MTSS1: variants seen among roughly 807,000 people sequenced by gnomAD.
The protein encoded by MTSS1 is protein MTSS 1.
In MTSS1, 18 loss-of-function variants were observed where a neutral mutation model predicts 79.0. That is an observed-to-expected ratio of 0.23 (90% CI 0.16 to 0.34). The LOEUF (loss-of-function observed/expected upper bound fraction) is 0.34. MTSS1 is among the 10% of genes least tolerant of loss of function. The probability of loss-of-function intolerance (pLI) is 1.00; values close to 1 mark genes in which losing one functional copy is unlikely to be tolerated. For synonymous variants in MTSS1, 341 were observed against 368.6 expected (o/e 0.93, Z 0.86); for missense variants, 815 against 986.2 (o/e 0.83, Z 2.33).
chr8:124,690,994 A>G (rs7014298), intron 3 of MTSS1, among the ~76,000 whole-genome samples: 42,577 of 152,142 alleles, frequency 0.28, 6,224 homozygotes, highest in East Asian at 0.5. Context: ...ACAAAGTCTG[A>G]AGTTTCATAG....
intron 3 of MTSS1, among the ~76,000 whole-genome samples, chr8:124,616,252 T>C (rs1836830953): frequency 6.6e-6 from 1 of 152,074 alleles, no homozygotes; most frequent in Non-Finnish European, 1.5e-5. Context: ...GGAGAGCCTA[T>C]GTTTATTTGC....
At chr8:124,570,364 A>T (rs1161065968) in intron 6 of MTSS1, among the ~76,000 whole-genome samples, 17 of 152,220 alleles carry the variant, frequency 1.1e-4, no homozygotes, top group Admixed American at 1.1e-3. Flanking sequence ...ATTATACTAC[A>T]CTGGCCCCTC....
At chr8:124,628,763 G>C (rs117958680) in intron 3 of MTSS1, among the ~76,000 whole-genome samples, 1 of 152,130 alleles carries the variant, frequency 6.6e-6, no homozygotes, top group Non-Finnish European at 1.5e-5. Context: ...TCTAATCCTC[G>C]CAACAACCCT....
intron 3 of MTSS1, among the ~76,000 whole-genome samples, chr8:124,610,797 C>T (rs556354456): frequency 1.3e-5 from 2 of 152,280 alleles, no homozygotes; most frequent in African/African-American, 4.8e-5. Flanking sequence ...TTCCAAGCAG[C>T]AGGTTTAGGC....
At position 124,717,532 on chromosome 8, in the gene MTSS1, TGGCAGC is replaced by T. The variant is rs1367983399; in HGVS notation, c.72+10346_72+10351del. Among the ~76,000 whole-genome samples, 415 of 150,000 alleles carry T rather than the reference TGGCAGC, an allele frequency of 2.8e-3. 31 individuals are homozygous for T. Among genetic ancestry groups the T allele is most frequent in the African/African-American group, 8.7e-3 (347 of 40,050 alleles). On this transcript the variant is annotated intron_variant, in intron 1 of 13. Coordinates refer to ENST00000518547, the MANE Select transcript of MTSS1 (RefSeq NM_014751.6). ...ATCACTTGAACCTGGGAGGCAGAGGTGGCAGCGAGCCAAGATTGCACCACTGCACAC... is the reference window on the plus strand; with the variant it reads ...ATCACTTGAACCTGGGAGGCAGAGGTGAGCCAAGATTGCACCACTGCACAC...
intron 1 of MTSS1, among the ~76,000 whole-genome samples, chr8:124,726,255 C>T (rs1190215181): frequency 6.6e-6 from 1 of 152,108 alleles, no homozygotes; most frequent in African/African-American, 2.4e-5. Context: ...ACCTTCTGAA[C>T]GGCTTTCGAT....
In MTSS1 at chr8:124,564,430, C is replaced by T. The variant is rs566793910; in HGVS notation, c.824+1232G>A. Among the ~76,000 whole-genome samples the T allele has an allele frequency of 3.9e-5, 6 of 152,154 alleles. No homozygotes were observed. In the South Asian group the frequency reaches 6.2e-4, roughly 16 times the overall value. On this transcript the variant is annotated intron_variant, in intron 9 of 13. Transcript: ENST00000518547. ...AAATGTTCAGACAGACATAGGGGAG[C>T]GTGCTGGAGGAAATCGCTGCAGTGA...
chr8:124,555,468 G>A (rs966863962), intron 13 of MTSS1, among the ~76,000 whole-genome samples: 9 of 151,986 alleles, frequency 5.9e-5, no homozygotes, highest in African/African-American at 1.9e-4. Flanking sequence ...GGATAGTCTC[G>A]ATCTCCTGAC....
chr8:124,692,378 G>GA (rs5894720), intron 3 of MTSS1, among the ~76,000 whole-genome samples: 5 of 147,632 alleles, frequency 3.4e-5, no homozygotes, highest in South Asian at 2.1e-4. Context: ...TTTTTAAAAA[G>GA]AAAAAAAAAA....
intron 3 of MTSS1, among the ~76,000 whole-genome samples, chr8:124,593,489 C>T (rs1161622774): frequency 6.6e-6 from 1 of 152,194 alleles, no homozygotes; most frequent in African/African-American, 2.4e-5. Context: ...TTCACAGCGT[C>T]AAAAGACTGG....
chr8:124,572,664 G>T (rs1485616336), intron 6 of MTSS1, among the ~76,000 whole-genome samples: 1 of 151,556 alleles, frequency 6.6e-6, no homozygotes, highest in Non-Finnish European at 1.5e-5. Flanking sequence ...GATGCCAACA[G>T]CCCCTAATGT....
chr8:124,643,712 A>C (rs897057424), intron 3 of MTSS1, among the ~76,000 whole-genome samples: 1 of 151,378 alleles, frequency 6.6e-6, no homozygotes, highest in East Asian at 1.9e-4. Flanking sequence ...AAAAAAAAAA[A>C]AAAAAAAAAA....
rs1265067328 is a variant in MTSS1, at chr8:124,551,787, A to AGAT, written c.*1202_*1204dup. 1.3e-5 allele frequency: 2 copies of AGAT among 152,542 alleles called. No individual in the cohort carries two copies. Among genetic ancestry groups the AGAT allele is most frequent in the African/African-American group, 4.8e-5 (2 of 41,474 alleles). The allele number at this position is 152,542 out of a possible 1,614,324, so 9.4% of individuals were successfully genotyped here. A position where few individuals can be genotyped will look rare whatever the true frequency, so the allele number is the denominator to read the frequency against. ...ACAAAAAAAGGACAGTATAGTGGTC[A>AGAT]GATTCCCAGTGACAATAAACAAATC... On this transcript the variant is annotated 3_prime_UTR_variant, in exon 14 of 14. Transcript: ENST00000518547.
intron 3 of MTSS1, among the ~76,000 whole-genome samples, chr8:124,617,050 A>G (rs1281014425): frequency 2.1e-5 from 2 of 95,986 alleles, no homozygotes; most frequent in Non-Finnish European, 3.9e-5. Context: ...AATGCTGTCC[A>G]TAAGTGGTAA....
At chr8:124,661,862 G>T (rs560901287) in intron 3 of MTSS1, among the ~76,000 whole-genome samples, 2 of 152,284 alleles carry the variant, frequency 1.3e-5, no homozygotes, top group East Asian at 3.9e-4. Context: ...CTGCATTTCT[G>T]ACTCCCCTTA....
rs1429781235 is a variant in MTSS1, at chr8:124,592,899, T to G, written c.209-1664A>C. Among the ~76,000 whole-genome samples the G allele has an allele frequency of 2.6e-5, 4 of 152,134 alleles. No individual in the cohort carries two copies. In the South Asian group the frequency reaches 6.2e-4, roughly 24 times the overall value. On this transcript the variant is annotated intron_variant, in intron 3 of 13. Coordinates refer to ENST00000518547, the MANE Select transcript of MTSS1 (RefSeq NM_014751.6). Reference sequence around the variant, plus strand: ...TTTAACCTCACCTCCAGACTTGTGATCCTCCAAAATGTCTCCAGAGAGTAC... The same window carrying G: ...TTTAACCTCACCTCCAGACTTGTGAGCCTCCAAAATGTCTCCAGAGAGTAC...
At chr8:124,620,741 C>G (rs963556867) in intron 3 of MTSS1, among the ~76,000 whole-genome samples, 6 of 152,108 alleles carry the variant, frequency 3.9e-5, no homozygotes, top group Non-Finnish European at 8.8e-5. Flanking sequence ...ATCTTGTTAA[C>G]ATAGTAATAA....
chr8:124,611,110 C>T (rs938073942), intron 3 of MTSS1, among the ~76,000 whole-genome samples: 1 of 146,238 alleles, frequency 6.8e-6, no homozygotes, highest in African/African-American at 2.5e-5. Flanking sequence ...AGACAGACCC[C>T]CCCCCCCCAG....
chr8:124,557,831 G>A lies in MTSS1; in HGVS notation c.1080C>T (p.His360=), dbSNP rs372101575. 15 of 1,602,580 alleles carry A rather than the reference G, an allele frequency of 9.4e-6. No individual in the cohort carries two copies. The highest frequency in any genetic ancestry group is 4.0e-5 in the African/African-American group (3 of 74,612). The change falls in exon 11 of 14, where the codon CAC becomes CAT. Residue 360 remains histidine, a synonymous_variant. Transcript: ENST00000518547. ...FSHYSLSSES[H]VGPTGAGLFP... is the part of the protein sequence containing the mutation. ...AAAGGCCTGCACCCGTGGGCCCCAC[G>A]TGGGACTCACTTGATAAACTATAGT... is the stretch of plus-strand genomic sequence containing the variant.
Sources: allele counts gnomAD v4.1 joint callset (sites outside exome capture counted in the v4.1 genomes callset), GRCh38; gene constraint gnomAD v4.1.1; transcripts MANE v1.5; gene names NCBI Gene and HGNC (gene_info 2026-07-23, HGNC 2026-07-21).